Variants in MDGA2 observed in about 807,000 individuals in gnomAD.
MDGA2 encodes the protein MAM domain-containing glycosylphosphatidylinositol anchor protein 2.
In MDGA2, 40 loss-of-function variants were observed where a neutral mutation model predicts 117.8. That is an observed-to-expected ratio of 0.34 (90% CI 0.26 to 0.44). The LOEUF (loss-of-function observed/expected upper bound fraction) is 0.44, where lower values mean the gene tolerates loss of function less well. MDGA2 is among the 20% of genes least tolerant of loss of function. The pLI is 1.00. For missense variants in MDGA2, 1,123 were observed against 1,250.6 expected (o/e 0.90, Z 1.54); for synonymous variants, 452 against 439.0 (o/e 1.03, Z -0.37).
At chr14:47,457,867 A>T (rs1408444861) in intron 1 of MDGA2, among the ~76,000 whole-genome samples, 6 of 149,818 alleles carry the variant, frequency 4.0e-5, no homozygotes, top group African/African-American at 1.2e-4. Context: ...TTTTCTAATG[A>T]CAAGAGCACA....
At chr14:47,659,594 G>T (rs1436147993) in intron 1 of MDGA2, among the ~76,000 whole-genome samples, 1 of 152,142 alleles carries the variant, frequency 6.6e-6, no homozygotes, top group Non-Finnish European at 1.5e-5. Context: ...AAAATTAAAT[G>T]ATAAACCACA....
At chr14:47,504,735 T>C (rs1007595962) in intron 1 of MDGA2, among the ~76,000 whole-genome samples, 1 of 152,188 alleles carries the variant, frequency 6.6e-6, no homozygotes, top group Non-Finnish European at 1.5e-5. Flanking sequence ...AAACTGTTTA[T>C]ACTGTTCGTG....
intron 1 of MDGA2, among the ~76,000 whole-genome samples, chr14:47,356,828 C>T (rs1891004893): frequency 6.6e-6 from 1 of 152,134 alleles, no homozygotes; most frequent in African/African-American, 2.4e-5. Context: ...TAAACACCAC[C>T]CATTGGTGTG....
intron 1 of MDGA2, among the ~76,000 whole-genome samples, chr14:47,666,771 C>T (rs1053959567): frequency 1.9e-4 from 29 of 152,178 alleles, no homozygotes; most frequent in African/African-American, 6.8e-4. Flanking sequence ...CTTGCTGTTG[C>T]TCACTCTTTG....
At chr14:46,965,059 G>A (rs1463686533) in intron 8 of MDGA2, among the ~76,000 whole-genome samples, 2 of 139,762 alleles carry the variant, frequency 1.4e-5, no homozygotes, top group African/African-American at 6.0e-5. Flanking sequence ...GAGCAGCTGG[G>A]ACTACAGGCG....
At chr14:47,227,911 C>T (rs1045404349) in intron 2 of MDGA2, among the ~76,000 whole-genome samples, 1 of 152,096 alleles carries the variant, frequency 6.6e-6, no homozygotes. Context: ...AATGATGGCT[C>T]CTAAATTAGT....
rs367948494 is a variant in MDGA2 at position 47,040,697 on chromosome 14, T to A, written c.1526-5393A>T. Reference sequence around the variant, plus strand: ...TCTGCCCCATGTGTTGAAACTCAGTTCAAATGTTATTCCCTTTGTAAATCC... The same window carrying A: ...TCTGCCCCATGTGTTGAAACTCAGTACAAATGTTATTCCCTTTGTAAATCC... On this transcript the variant is annotated intron_variant, in intron 7 of 16. Coordinates refer to ENST00000399232, the MANE Select transcript of MDGA2 (RefSeq NM_001113498.3). 1.1e-3 allele frequency among the ~76,000 whole-genome samples: 167 copies of A among 152,312 alleles called. 3 individuals carry two copies. Among genetic ancestry groups the A allele is most frequent in the African/African-American group, 3.9e-3 (161 of 41,572 alleles).
At chr14:46,914,493 G>T (rs3007121) in intron 10 of MDGA2, among the ~76,000 whole-genome samples, 105,871 of 151,874 alleles carry the variant, frequency 0.7, 37,771 homozygotes, top group East Asian at 0.99. Context: ...AATTGTGTAA[G>T]TCAATACTGA....
chr14:47,190,343 C>A (rs1240586266), intron 3 of MDGA2, among the ~76,000 whole-genome samples: 3 of 152,222 alleles, frequency 2.0e-5, no homozygotes, highest in Non-Finnish European at 2.9e-5. Flanking sequence ...TGACTTGGGT[C>A]GAAGGGCCTT....
chr14:47,049,225 C>T (rs1346880380), intron 7 of MDGA2, among the ~76,000 whole-genome samples: 1 of 151,998 alleles, frequency 6.6e-6, no homozygotes, highest in Non-Finnish European at 1.5e-5. Context: ...ATTATTTCTA[C>T]TTCACATACT....
At chr14:47,213,303 A>G (rs1178921208) in intron 3 of MDGA2, among the ~76,000 whole-genome samples, 1 of 152,156 alleles carries the variant, frequency 6.6e-6, no homozygotes, top group South Asian at 2.1e-4. Flanking sequence ...GACCTGTGCC[A>G]TTTTGATTCC....
At chr14:47,268,403 T>A (rs1485060113) in intron 2 of MDGA2, among the ~76,000 whole-genome samples, 1 of 152,046 alleles carries the variant, frequency 6.6e-6, no homozygotes, top group Non-Finnish European at 1.5e-5. Flanking sequence ...ACAGGCAAAT[T>A]CATTATAAAA....
chr14:47,551,354 C>T lies in MDGA2; in HGVS notation c.280+123163G>A, dbSNP rs559384201. On this transcript the variant is annotated intron_variant, in intron 1 of 16. Coordinates refer to ENST00000399232, the MANE Select transcript of MDGA2 (RefSeq NM_001113498.3). Reference sequence around the variant, plus strand: ...CCTGTTCTTTGCCTGGGGATAAACACTTTTGCTTTCTATGCTTTTCTGTTC... The same window carrying T: ...CCTGTTCTTTGCCTGGGGATAAACATTTTTGCTTTCTATGCTTTTCTGTTC... 6.6e-5 allele frequency among the ~76,000 whole-genome samples: 10 copies of T among 152,246 alleles called. No individual in the cohort carries two copies. In the East Asian group the frequency reaches 1.5e-3, roughly 24 times the overall value.
At chr14:47,461,248 T>C (rs1893476916) in intron 1 of MDGA2, among the ~76,000 whole-genome samples, 1 of 119,820 alleles carries the variant, frequency 8.3e-6, no homozygotes, top group South Asian at 2.6e-4. Context: ...TCATTCCATG[T>C]AGTCCAAGTT....
intron 5 of MDGA2, among the ~76,000 whole-genome samples, chr14:47,107,933 C>G (rs1880812834): frequency 6.6e-6 from 1 of 151,384 alleles, no homozygotes; most frequent in Non-Finnish European, 1.5e-5. Context: ...TCCGTTCTGT[C>G]AGACATAATT....
At chr14:46,877,349 A>T in intron 12 of MDGA2, 140 bp downstream of exon 12, 1 of 459,066 alleles carries the variant, frequency 2.2e-6, no homozygotes, top group Non-Finnish European at 3.9e-6. Flanking sequence ...ATCTACATTT[A>T]ATGCCAATTT....
At chr14:47,572,969 T>C (rs1896048125) in intron 1 of MDGA2, among the ~76,000 whole-genome samples, 1 of 152,172 alleles carries the variant, frequency 6.6e-6, no homozygotes, top group Non-Finnish European at 1.5e-5. Context: ...TAGTTCAGTG[T>C]AAAGCAATAA....
intron 1 of MDGA2, among the ~76,000 whole-genome samples, chr14:47,612,722 T>A (rs1896875472): frequency 6.6e-6 from 1 of 152,144 alleles, no homozygotes. Flanking sequence ...CCACAAGAGG[T>A]GCTAAAATAG....
At chr14:47,344,625 G>A (rs1171778139) in intron 1 of MDGA2, among the ~76,000 whole-genome samples, 1 of 151,804 alleles carries the variant, frequency 6.6e-6, no homozygotes, top group Non-Finnish European at 1.5e-5. Context: ...TTGGTATACT[G>A]GTCCCTTGGC....
Sources: allele counts gnomAD v4.1 joint callset (sites outside exome capture counted in the v4.1 genomes callset), GRCh38; gene constraint gnomAD v4.1.1; transcripts MANE v1.5; gene names NCBI Gene and HGNC (gene_info 2026-07-23, HGNC 2026-07-21).